ABCC8: variants seen among roughly 807,000 people sequenced by gnomAD.
ABCC8 encodes ATP-binding cassette sub-family C member 8.
A neutral mutation model predicts 188.0 loss-of-function variants in ABCC8; 137 were observed. The observed-to-expected ratio is 0.73, with a 90% CI of 0.63 to 0.84. The LOEUF is 0.84. ABCC8 is among the 40% of genes least tolerant of loss of function. The pLI is 0.00. For missense variants in ABCC8, 1,750 were observed against 2,072.7 expected, an observed-to-expected ratio of 0.84 and a Z score of 3.02; for synonymous variants, 797 against 846.5, an observed-to-expected ratio of 0.94 and a Z score of 1.01.
At chr11:17,475,514 G>A (rs1184548484) in intron 1 of ABCC8, among the ~76,000 whole-genome samples, 2 of 152,168 alleles carry the variant, frequency 1.3e-5, no homozygotes, top group African/African-American at 4.8e-5. Flanking sequence ...GTAAGCCACT[G>A]TGCCCTGCCA....
rs1335524232 is a variant in ABCC8, at chr11:17,393,332, C to G, written c.4609-204G>C. ...GCTAATACCACCCTTCTCTCCTCTC[C>G]AAGTCCCAACTCTACCCCACCTCCA... On this transcript the variant is annotated intron_variant, in intron 38 of 38. Coordinates refer to ENST00000389817, the MANE Select transcript of ABCC8 (RefSeq NM_000352.6). 5.5e-6 allele frequency: 4 copies of G among 727,374 alleles called. No homozygotes were observed. The Admixed American group carries it at 1.0e-4, about 18-fold the overall frequency. 45.1% of individuals were successfully genotyped at this position (727,374 alleles called of 1,614,324 possible). A position where few individuals can be genotyped will look rare whatever the true frequency, so the allele number is the denominator to read the frequency against.
At chr11:17,425,256 A>C (rs933463554) in intron 16 of ABCC8, among the ~76,000 whole-genome samples, 2 of 148,902 alleles carry the variant, frequency 1.3e-5, no homozygotes, top group African/African-American at 5.1e-5. Context: ...GGGAAACCCA[A>C]GGGGCTCATC....
At chr11:17,446,125 C>G (rs1956519448) in intron 8 of ABCC8, among the ~76,000 whole-genome samples, 1 of 151,890 alleles carries the variant, frequency 6.6e-6, no homozygotes, top group Admixed American at 6.6e-5. Flanking sequence ...GCCATCATGC[C>G]CGGCTAATTT....
chr11:17,454,745 C>T (rs1956931861), intron 6 of ABCC8, among the ~76,000 whole-genome samples: 1 of 152,178 alleles, frequency 6.6e-6, no homozygotes, highest in Non-Finnish European at 1.5e-5. Context: ...GGGTTAGTGG[C>T]TGGCCCAAGG....
intron 6 of ABCC8, 31 bp from the exon 7 acceptor site, chr11:17,453,314 T>C (rs1956880796): frequency 1.2e-6 from 2 of 1,612,978 alleles, no homozygotes; most frequent in Non-Finnish European, 1.7e-6. Context: ...GAGGTGACTG[T>C]CATTGCCAGC....
At chr11:17,450,684 A>ATTGCGCTCCACCC in intron 7 of ABCC8, among the ~76,000 whole-genome samples, 1 of 70,252 alleles carries the variant, frequency 1.4e-5, no homozygotes, top group Non-Finnish European at 2.8e-5. Flanking sequence ...GGCATGAGCC[A>ATTGCGCTCCACCC]CTTTTTTTTT....
intron 3 of ABCC8, among the ~76,000 whole-genome samples, chr11:17,469,866 GCTTGATTTT>G (rs1323979808): frequency 2.6e-5 from 4 of 152,006 alleles, no homozygotes; most frequent in Admixed American, 2.6e-4. Context: ...CCCTTACTCA[GCTTGATTTT>G]CTTCATAGCA....
intron 11 of ABCC8, 57 bp downstream of exon 11, chr11:17,432,147 T>C: frequency 1.3e-6 from 2 of 1,549,872 alleles, no homozygotes; most frequent in Non-Finnish European, 1.7e-6. Flanking sequence ...AGCCTGTCAC[T>C]GCAGACGCCC....
intron 30 of ABCC8, 98 bp from the exon 31 acceptor site, chr11:17,397,895 G>A: frequency 1.3e-6 from 2 of 1,542,544 alleles, no homozygotes; most frequent in Non-Finnish European, 1.7e-6. Flanking sequence ...AGCTCAGCCA[G>A]GCCTCCACTC....
chr11:17,452,137 C>T (rs1447962176), intron 7 of ABCC8, among the ~76,000 whole-genome samples: 2 of 152,194 alleles, frequency 1.3e-5, no homozygotes, highest in African/African-American at 2.4e-5. Flanking sequence ...GATAGCTGAA[C>T]CAAAATCCTA....
chr11:17,398,004 C>T, intron 30 of ABCC8: 1 of 579,518 alleles, frequency 1.7e-6, no homozygotes, highest in Non-Finnish European at 2.2e-6. Flanking sequence ...TGCTCCCCTA[C>T]CCCCTAGCCC....
chr11:17,460,536 A>G lies in ABCC8; in HGVS notation c.963T>C (p.Phe321=). Residue 321 remains phenylalanine, a synonymous_variant, in exon 6 of 39, where the codon TTT becomes TTC. Coordinates refer to ENST00000389817, the MANE Select transcript of ABCC8 (RefSeq NM_000352.6). ...LLGFAGPLCI[F]GIVDHLGKEN... The stretch of plus-strand genomic sequence containing the variant: ...CCTTCCCAAGGTGGTCCACGATCCC[A>G]AAGATGCACAGTGGCCCGGCGAAGC... The G allele has an allele frequency of 1.2e-6, 2 of 1,614,144 alleles. No individual in the cohort carries two copies. The highest frequency in any genetic ancestry group is 2.2e-5 in the East Asian group (1 of 44,886).
rs1554941953 is a variant in ABCC8 at position 17,460,470 on chromosome 11, A to T, written c.1011+18T>A. ...AACCATCTAGAGGGTGCCTTACCCT[A>T]CCCCTGGGGCTGCCTACCTTGGGCT... is the stretch of plus-strand genomic sequence containing the variant. On this transcript the variant is annotated intron_variant, in intron 6 of 38. Transcript: ENST00000389817. 2 of 1,613,904 alleles carry T rather than the reference A, an allele frequency of 1.2e-6. No homozygotes were observed. The highest frequency in any genetic ancestry group is 1.7e-6 in the Non-Finnish European group (2 of 1,180,034).
intron 8 of ABCC8, among the ~76,000 whole-genome samples, chr11:17,447,387 A>G (rs1591843114): frequency 6.6e-6 from 1 of 152,066 alleles, no homozygotes; most frequent in Non-Finnish European, 1.5e-5. Context: ...GCCAGCACCA[A>G]AGGTTGTCTT....
intron 29 of ABCC8, among the ~76,000 whole-genome samples, chr11:17,400,522 C>T (rs961389021): frequency 1.1e-4 from 16 of 152,100 alleles, no homozygotes; most frequent in African/African-American, 3.6e-4. Flanking sequence ...AACTTCCTGG[C>T]TGTGTATCAG....
At chr11:17,415,375 T>G (rs529209713) in intron 17 of ABCC8, 36 bp from the exon 18 acceptor site, 1 of 1,604,870 alleles carries the variant, frequency 6.2e-7, no homozygotes, top group South Asian at 1.1e-5. Context: ...TGAGCTCTCA[T>G]GGGAGTGAAC....
In ABCC8 at chr11:17,407,148, C is replaced by T. The variant is rs199827312; in HGVS notation, c.2921-19G>A. ...GCCTCCTCTGCAGGCCGCAAGAACCCACTCTGTGGCTACACATTTCCATCC... is the reference window on the plus strand; with the variant it reads ...GCCTCCTCTGCAGGCCGCAAGAACCTACTCTGTGGCTACACATTTCCATCC... On this transcript the variant is annotated intron_variant, in intron 24 of 38. Coordinates refer to ENST00000389817, the MANE Select transcript of ABCC8 (RefSeq NM_000352.6). 1.6e-4 allele frequency: 260 copies of T among 1,606,666 alleles called. 1 individual carries two copies. In the East Asian group the frequency reaches 4.1e-3, roughly 25 times the overall value.
chr11:17,398,236 C>CGATCT (rs1954046428), intron 30 of ABCC8, 103 bp downstream of exon 30: 1 of 1,456,068 alleles, frequency 6.9e-7, no homozygotes, highest in Non-Finnish European at 9.5e-7. Flanking sequence ...GGTGTCCACA[C>CGATCT]GATCTGGTAT....
At chr11:17,436,196 T>C (rs553021494) in intron 10 of ABCC8, 168 of 692,734 alleles carry the variant, frequency 2.4e-4, no homozygotes, top group Non-Finnish European at 2.7e-4. Context: ...GGTTCTGGTC[T>C]GGATGGAAGT....
Sources: gnomAD v4.1 joint callset for allele counts (sites outside exome capture counted in the v4.1 genomes callset) on GRCh38, gnomAD v4.1.1 for gene constraint, MANE v1.5 for transcripts, NCBI Gene and HGNC (gene_info 2026-07-23, HGNC 2026-07-21) for gene names.